SLC4A1AP: variants seen among roughly 807,000 people sequenced by gnomAD.
SLC4A1AP encodes the protein solute carrier family 4 member 1 adaptor protein.
SLC4A1AP carries 64 observed loss-of-function variants against 89.7 expected under a neutral mutation model. The observed-to-expected ratio is 0.71, with a 90% CI of 0.58 to 0.88. SLC4A1AP has a LOEUF of 0.88. SLC4A1AP is among the 40% of genes least tolerant of loss of function. The pLI is 0.00. For missense variants in SLC4A1AP, 931 were observed against 965.0 expected, an observed-to-expected ratio of 0.96 and a Z score of 0.47; for synonymous variants, 366 against 353.3, an observed-to-expected ratio of 1.04 and a Z score of -0.40.
chr2:27,688,154 A>G, intron 11 of SLC4A1AP, 134 bp downstream of exon 11: 1 of 653,942 alleles, frequency 1.5e-6, no homozygotes, highest in East Asian at 2.9e-5. Flanking sequence ...AGGCCCCTGG[A>G]CAAAGTTGGA....
At chr2:27,688,233 G>A (rs1404148916) in intron 11 of SLC4A1AP, among the ~76,000 whole-genome samples, 1 of 152,094 alleles carries the variant, frequency 6.6e-6, no homozygotes, top group Non-Finnish European at 1.5e-5. Context: ...ACCTTCTGGG[G>A]TTCCCTCTCC....
intron 5 of SLC4A1AP, among the ~76,000 whole-genome samples, chr2:27,673,856 G>A (rs1271266036): frequency 6.6e-6 from 1 of 152,148 alleles, no homozygotes; most frequent in Non-Finnish European, 1.5e-5. Flanking sequence ...GTCATTGGCT[G>A]CAGAAGCTGG....
intron 9 of SLC4A1AP, among the ~76,000 whole-genome samples, chr2:27,683,874 T>A (rs1675660738): frequency 6.6e-6 from 1 of 152,102 alleles, no homozygotes; most frequent in Non-Finnish European, 1.5e-5. Context: ...TAGCTGGGAT[T>A]ACAGGCACCC....
intron 12 of SLC4A1AP, among the ~76,000 whole-genome samples, chr2:27,690,710 A>C (rs998868298): frequency 2.0e-5 from 3 of 152,044 alleles, no homozygotes; most frequent in African/African-American, 7.2e-5. Context: ...GCTGGTCTCA[A>C]ACTCCTAGCT....
chr2:27,675,994 C>T (rs138013215), intron 6 of SLC4A1AP, among the ~76,000 whole-genome samples: 311 of 152,162 alleles, frequency 2.0e-3, no homozygotes, highest in African/African-American at 7.1e-3. Flanking sequence ...CAAGTTAGGG[C>T]GTTCTGAGGT....
chr2:27,687,307 G>A (rs1675718344), intron 10 of SLC4A1AP, among the ~76,000 whole-genome samples: 1 of 152,046 alleles, frequency 6.6e-6, no homozygotes, highest in African/African-American at 2.4e-5. Flanking sequence ...TTGGGGCTAG[G>A]CTGGGTGACT....
At chr2:27,664,073 G>C (rs200706190) in exon 1 of SLC4A1AP, 1 of 1,614,172 alleles carries the variant, frequency 6.2e-7, no homozygotes, top group Non-Finnish European at 8.5e-7. Flanking sequence ...GGCCCACTGC[G>C]TTGCAGGACT....
At chr2:27,682,293 T>C in exon 9 of SLC4A1AP, 1 of 1,613,886 alleles carries the variant, frequency 6.2e-7, no homozygotes, top group Non-Finnish European at 8.5e-7. Flanking sequence ...CTAAAAAGCT[T>C]ACATTGCCTC....
rs573813957 is a variant in SLC4A1AP, at chr2:27,684,904, A to G, written c.1876-133A>G. 991 of 1,028,814 alleles carry G rather than the reference A, an allele frequency of 9.6e-4. 14 individuals are homozygous for G. The South Asian group carries it at 0.018, about 18-fold the overall frequency. The allele number at this position is 1,028,814 out of a possible 1,614,324, so 63.7% of individuals were successfully genotyped here. ...AATTTCATGTCAAAGTCCCACCTCCAGCAGACTTCTGTGGAGTTCATCAAC... is the reference window on the plus strand; with the variant it reads ...AATTTCATGTCAAAGTCCCACCTCCGGCAGACTTCTGTGGAGTTCATCAAC... On this transcript the variant is annotated intron_variant, in intron 9 of 13. Transcript: ENST00000613058.
chr2:27,688,159 G>T, intron 11 of SLC4A1AP, 139 bp downstream of exon 11: 1 of 642,280 alleles, frequency 1.6e-6, no homozygotes, highest in Non-Finnish European at 2.7e-6. Flanking sequence ...CCTGGACAAA[G>T]TTGGAACATA....
chr2:27,665,363 T>A (rs938061547), intron 2 of SLC4A1AP, 68 bp downstream of exon 2: 46 of 1,357,210 alleles, frequency 3.4e-5, no homozygotes, highest in Non-Finnish European at 4.6e-5. Context: ...CCTTAAATGT[T>A]TTTTTAAATC....
At chr2:27,692,436 A>G (rs1043939458) in intron 12 of SLC4A1AP, 2 of 152,226 alleles carry the variant, frequency 1.3e-5, no homozygotes, top group Non-Finnish European at 2.9e-5. Flanking sequence ...CTTGGAGAAT[A>G]TTTCAGGCAC....
intron 8 of SLC4A1AP, among the ~76,000 whole-genome samples, chr2:27,679,398 C>G (rs553547721): frequency 6.6e-6 from 1 of 152,188 alleles, no homozygotes; most frequent in South Asian, 2.1e-4. Context: ...GTCAGGAGAT[C>G]GAGACCATCC....
intron 8 of SLC4A1AP, among the ~76,000 whole-genome samples, chr2:27,679,539 T>C (rs1007521161): frequency 6.6e-6 from 1 of 152,078 alleles, no homozygotes; most frequent in African/African-American, 2.4e-5. Context: ...AAGGTGGAGC[T>C]GGCAGTGAGC....
intron 12 of SLC4A1AP, chr2:27,693,391 C>T (rs754028692): frequency 1.5e-5 from 5 of 329,448 alleles, no homozygotes; most frequent in Non-Finnish European, 2.7e-5. Context: ...GAGTTTTATG[C>T]TTTCAAGAGG....
At chr2:27,685,495 T>C (rs1665886302) in intron 10 of SLC4A1AP, among the ~76,000 whole-genome samples, 1 of 152,196 alleles carries the variant, frequency 6.6e-6, no homozygotes, top group African/African-American at 2.4e-5. Context: ...TCCAATCCAT[T>C]CCAGAATTAC....
chr2:27,694,481 G>GT (rs1178811686), intron 13 of SLC4A1AP, among the ~76,000 whole-genome samples, 153 bp from the exon 14 acceptor site: 1 of 152,128 alleles, frequency 6.6e-6, no homozygotes, highest in Admixed American at 6.6e-5. Flanking sequence ...AAAGAGGGCT[G>GT]TATTTTGAAA....
chr2:27,676,579 T>C (rs532634337), intron 6 of SLC4A1AP, among the ~76,000 whole-genome samples: 68 of 152,164 alleles, frequency 4.5e-4, no homozygotes, highest in South Asian at 1.0e-3. Context: ...CCCAGCACAT[T>C]GGGAGGCTGA....
At chr2:27,669,307 A>G (rs970133376) in exon 5 of SLC4A1AP, 6 of 1,613,402 alleles carry the variant, frequency 3.7e-6, no homozygotes, top group Non-Finnish European at 5.1e-6. Flanking sequence ...CACTCAGGAA[A>G]GAAAAAAGAA....
Sources: allele counts gnomAD v4.1 joint callset (sites outside exome capture counted in the v4.1 genomes callset), GRCh38; gene constraint gnomAD v4.1.1; transcripts MANE v1.5; gene names NCBI Gene and HGNC (gene_info 2026-07-23, HGNC 2026-07-21).